OTOP1: variants seen among roughly 807,000 people sequenced by gnomAD.
The protein encoded by OTOP1 is otopetrin 1.
A neutral mutation model predicts 52.9 loss-of-function variants in OTOP1; 59 were observed. The observed-to-expected ratio is 1.12, with a 90% CI of 0.91 to 1.39. The LOEUF (loss-of-function observed/expected upper bound fraction) is 1.39, where lower values mean the gene tolerates loss of function less well. Among genes scored for constraint, OTOP1 ranks in the 40% most tolerant of loss-of-function variants. OTOP1 has a pLI of 0.00. For synonymous variants in OTOP1, 317 were observed against 337.7 expected (o/e 0.94, Z 0.67); for missense variants, 761 against 800.9 (o/e 0.95, Z 0.60).
At chr4:4,190,999 C>A (rs897255534) in intron 5 of OTOP1, among the ~76,000 whole-genome samples, 3 of 152,186 alleles carry the variant, frequency 2.0e-5, no homozygotes, top group East Asian at 3.9e-4. Context: ...CAGCCTGGAC[C>A]ACATCCAAGA....
intron 1 of OTOP1, among the ~76,000 whole-genome samples, chr4:4,214,180 G>A (rs1469687550): frequency 1.3e-5 from 2 of 152,006 alleles, no homozygotes; most frequent in Non-Finnish European, 2.9e-5. Context: ...ACATAAAGAT[G>A]GCCAGCAAGT....
Position 4,216,395 on chromosome 4 carries a change from T to C in OTOP1, c.404-3391A>G, listed in dbSNP as rs561041831. Among the ~76,000 whole-genome samples the C allele has an allele frequency of 7.9e-5, 12 of 152,272 alleles. No individual in the cohort carries two copies. In the East Asian group the frequency reaches 2.3e-3, roughly 29 times the overall value. On this transcript the variant is annotated intron_variant, in intron 1 of 5. Coordinates refer to ENST00000296358, the MANE Select transcript of OTOP1 (RefSeq NM_177998.3). The stretch of plus-strand genomic sequence containing the variant: ...TCCTCCTCTCTCTCCTGGGCTAGCA[T>C]TGACCGCCATTTATACATTTGCTCC...
chr4:4,193,121 T>C (rs1461195633), intron 5 of OTOP1, among the ~76,000 whole-genome samples: 1 of 152,180 alleles, frequency 6.6e-6, no homozygotes, highest in Non-Finnish European at 1.5e-5. Context: ...CATGGTTTTC[T>C]CTTGCGTTTA....
rs549424484 is a variant in OTOP1, at chr4:4,218,072, G to A, written c.404-5068C>T. Among the ~76,000 whole-genome samples the A allele has an allele frequency of 2.0e-4, 30 of 152,192 alleles. No individual in the cohort carries two copies. The South Asian group carries it at 2.3e-3, about 12-fold the overall frequency. On this transcript the variant is annotated intron_variant, in intron 1 of 5. Transcript: ENST00000296358. ...TCATACAGAATAGACATTTTGAGGC[G>A]AAATTCTATTAACTATCTCTACAAA...
At chr4:4,215,294 A>G (rs1462633478) in intron 1 of OTOP1, among the ~76,000 whole-genome samples, 6 of 152,190 alleles carry the variant, frequency 3.9e-5, no homozygotes, top group Admixed American at 1.3e-4. Flanking sequence ...TTCAAAAAGG[A>G]GCAATTTAAG....
intron 1 of OTOP1, among the ~76,000 whole-genome samples, chr4:4,219,290 AAG>A (rs1717217007): frequency 6.6e-6 from 1 of 152,224 alleles, no homozygotes; most frequent in Admixed American, 6.5e-5. Context: ...GTAGTGAACA[AAG>A]AGGAATGCAA....
At chr4:4,190,340 G>A (rs996450116) in intron 5 of OTOP1, among the ~76,000 whole-genome samples, 7 of 152,260 alleles carry the variant, frequency 4.6e-5, no homozygotes, top group Admixed American at 4.6e-4. Context: ...CAGGTATGGC[G>A]GCATGTGCCT....
At chr4:4,219,118 C>CA (rs148092578) in intron 1 of OTOP1, among the ~76,000 whole-genome samples, 20 of 152,042 alleles carry the variant, frequency 1.3e-4, no homozygotes, top group African/African-American at 4.6e-4. Context: ...AAAATGGAAA[C>CA]AAAAAAGCCA....
intron 4 of OTOP1, among the ~76,000 whole-genome samples, chr4:4,200,987 T>A (rs1252938238): frequency 6.6e-6 from 1 of 152,210 alleles, no homozygotes; most frequent in African/African-American, 2.4e-5. Context: ...AGTCCTTTTT[T>A]AGAAAATTAA....
At chr4:4,201,191 G>A (rs1335243894) in intron 4 of OTOP1, among the ~76,000 whole-genome samples, 4 of 152,164 alleles carry the variant, frequency 2.6e-5, no homozygotes, top group Non-Finnish European at 5.9e-5. Flanking sequence ...CACTTTGGGA[G>A]GCCAAGGCAG....
At chr4:4,220,101 ATATATT>A (rs1717266631) in intron 1 of OTOP1, among the ~76,000 whole-genome samples, 5 of 65,850 alleles carry the variant, frequency 7.6e-5, no homozygotes, top group African/African-American at 2.6e-4. Flanking sequence ...ATATATATAT[ATATATT>A]TTTTTTTTTT....
intron 5 of OTOP1, among the ~76,000 whole-genome samples, chr4:4,190,906 T>C (rs1716489559): frequency 6.6e-6 from 1 of 152,070 alleles, no homozygotes; most frequent in South Asian, 2.1e-4. Context: ...TTCTATTCTC[T>C]CTACACATGA....
In OTOP1 at chr4:4,202,275, G is replaced by A. The variant is rs2920184; in HGVS notation, c.730+173C>T. The stretch of plus-strand genomic sequence containing the variant: ...TATGCTCAGTACACATCACTTATGA[G>A]AGATTCAGGTTTTGGAAGATTTTCA... On this transcript the variant is annotated intron_variant, in intron 4 of 5. Transcript: ENST00000296358. Among the ~76,000 whole-genome samples, 394 of 152,284 alleles carry A rather than the reference G, an allele frequency of 2.6e-3. 1 individual carries two copies. Among genetic ancestry groups the A allele is most frequent in the African/African-American group, 8.9e-3 (371 of 41,548 alleles).
chr4:4,226,793 C>G lies in OTOP1; in HGVS notation c.72G>C (p.Gly24=), dbSNP rs1375088944. 3 of 1,370,522 alleles carry G rather than the reference C, an allele frequency of 2.2e-6. No homozygotes were observed. Among genetic ancestry groups the G allele is most frequent in the Non-Finnish European group, 2.8e-6 (3 of 1,066,804 alleles). 84.9% of individuals were successfully genotyped at this position (1,370,522 alleles called of 1,614,324 possible). Residue 24 remains glycine (G), a synonymous_variant, in exon 1 of 6, where the codon GGG becomes GGC. Coordinates refer to ENST00000296358, the MANE Select transcript of OTOP1 (RefSeq NM_177998.3). ...ACGAGGGAGGCGAGCAGGCCGCTGG[C>G]CCCGACGACCCTGCGACCGAGGCGC... ...AASASVAGSS[G]PAACSPPSSS...
At chr4:4,200,693 G>C (rs1716763706) in intron 4 of OTOP1, among the ~76,000 whole-genome samples, 1 of 147,080 alleles carries the variant, frequency 6.8e-6, no homozygotes. Flanking sequence ...AGCTATAGCT[G>C]GGACCACAAG....
intron 1 of OTOP1, among the ~76,000 whole-genome samples, chr4:4,213,837 C>A (rs1717078149): frequency 6.6e-6 from 1 of 152,108 alleles, no homozygotes; most frequent in Non-Finnish European, 1.5e-5. Flanking sequence ...TACCTGTAAT[C>A]CCAGCACTTT....
intron 1 of OTOP1, among the ~76,000 whole-genome samples, chr4:4,215,454 G>A (rs1717121103): frequency 6.6e-6 from 1 of 152,156 alleles, no homozygotes; most frequent in Non-Finnish European, 1.5e-5. Flanking sequence ...CTGAGGTTGG[G>A]AGTTCGAGAG....
rs527852181 is a variant in OTOP1, at chr4:4,219,545, CA to C, written c.404-6542del. On this transcript the variant is annotated intron_variant, in intron 1 of 5. Transcript: ENST00000296358. ...TGAAACCCCGTCTCTACTAAAAATACAAAAAAATTAGCCGGGCGTGGTGGCG... is the reference window on the plus strand; with the variant it reads ...TGAAACCCCGTCTCTACTAAAAATACAAAAAATTAGCCGGGCGTGGTGGCG... Among the ~76,000 whole-genome samples the C allele has an allele frequency of 9.9e-3, 1,506 of 151,550 alleles. 27 individuals carry two copies. Among genetic ancestry groups the C allele is most frequent in the African/African-American group, 0.031 (1,261 of 41,268 alleles).
intron 3 of OTOP1, among the ~76,000 whole-genome samples, chr4:4,202,940 G>C (rs1240811261): frequency 1.3e-5 from 2 of 152,210 alleles, no homozygotes; most frequent in African/African-American, 2.4e-5. Context: ...AGGAAGAGGA[G>C]AGGAGAGAAC....
Sources: allele counts gnomAD v4.1 joint callset (sites outside exome capture counted in the v4.1 genomes callset), GRCh38; gene constraint gnomAD v4.1.1; transcripts MANE v1.5; gene names NCBI Gene and HGNC (gene_info 2026-07-23, HGNC 2026-07-21).